Variants in CDH23 observed in about 807,000 individuals in gnomAD.
CDH23 encodes cadherin related 23, also known as cadherin-23.
Under a neutral mutation model 317.1 loss-of-function variants are expected in CDH23, and 189 were observed. The ratio of observed to expected loss-of-function variants is 0.60; its 90% CI spans 0.53 to 0.67. The LOEUF (loss-of-function observed/expected upper bound fraction) is 0.67. Ranked by LOEUF, CDH23 falls within the 30% of genes least tolerant of loss-of-function variation. The pLI is 0.00. For missense variants in CDH23, 4,401 were observed against 4,592.4 expected (o/e 0.96, Z 1.20); for synonymous variants, 1,839 against 1,876.8 (o/e 0.98, Z 0.52).
At position 71,682,141 on chromosome 10, in the gene CDH23, C is replaced by T. The variant is rs576611377; in HGVS notation, c.1859-304C>T. On this transcript the variant is annotated intron_variant, in intron 17 of 69. Transcript: ENST00000224721. ...AGCCAAACCTAGGCTCATCTCCCCACTCTGTTGAGAGCTGTGTGACCTTGG... is the reference window on the plus strand; with the variant it reads ...AGCCAAACCTAGGCTCATCTCCCCATTCTGTTGAGAGCTGTGTGACCTTGG... Among the ~76,000 whole-genome samples the T allele has an allele frequency of 1.3e-5, 2 of 152,380 alleles. 1 individual carries two copies. The highest frequency in any genetic ancestry group is 4.1e-4 in the South Asian group (2 of 4,834).
intron 45 of CDH23, 41 bp from the exon 46 acceptor site, chr10:71,790,247 G>A (rs370003444): frequency 1.2e-5 from 19 of 1,609,252 alleles, no homozygotes; most frequent in Non-Finnish European, 1.5e-5. Context: ...AGGGCAGGGG[G>A]CTGGGTTGGT....
chr10:71,746,072 T>C (rs754482223), intron 38 of CDH23, among the ~76,000 whole-genome samples: 3 of 152,208 alleles, frequency 2.0e-5, no homozygotes, highest in South Asian at 4.1e-4. Flanking sequence ...TAGTACAGGC[T>C]AGGACACCAG....
At chr10:71,757,201 G>C (rs1200165676) in intron 38 of CDH23, among the ~76,000 whole-genome samples, 3 of 152,210 alleles carry the variant, frequency 2.0e-5, no homozygotes, top group Non-Finnish European at 4.4e-5. Context: ...TCCTCTGGAC[G>C]GCTAGTAAGC....
At chr10:71,623,591 C>T (rs1861569609) in intron 11 of CDH23, among the ~76,000 whole-genome samples, 1 of 152,186 alleles carries the variant, frequency 6.6e-6, no homozygotes, top group Non-Finnish European at 1.5e-5. Context: ...AGGGTGGAAG[C>T]AGTGAAAAGG....
Position 71,695,526 on chromosome 10 carries a change from G to C in CDH23, c.2397+1G>C, listed in dbSNP as rs1410428272. On this transcript the variant is annotated splice_donor_variant, in intron 22 of 69. Transcript: ENST00000224721. LOFTEE classifies it high-confidence loss of function. The stretch of plus-strand genomic sequence containing the variant: ...CCCTCCAGACTCTGATGTGACCACG[G>C]TAGGTGGTGGCAGAGCAGCAGAACT... The C allele has an allele frequency of 6.2e-7, 1 of 1,600,842 alleles. No individual in the cohort carries two copies. Among genetic ancestry groups the C allele is most frequent in the African/African-American group, 1.3e-5 (1 of 74,718 alleles).
chr10:71,624,376 CA>C (rs1861610910), intron 11 of CDH23, among the ~76,000 whole-genome samples: 1 of 152,200 alleles, frequency 6.6e-6, no homozygotes, highest in Non-Finnish European at 1.5e-5. Flanking sequence ...CTGGGTCTGC[CA>C]CTTGGTTTTC....
At chr10:71,694,299 C>G in intron 21 of CDH23, 40 bp downstream of exon 21, 1 of 1,499,084 alleles carries the variant, frequency 6.7e-7, no homozygotes. Flanking sequence ...TCCCCCTCGC[C>G]GGCCAGGCTG....
At chr10:71,704,494 G>A (rs766935695) in intron 24 of CDH23, among the ~76,000 whole-genome samples, 14 of 152,172 alleles carry the variant, frequency 9.2e-5, no homozygotes, top group South Asian at 2.1e-4. Flanking sequence ...AAAGCAAAGC[G>A]GGGCAGGGGA....
chr10:71,552,221 G>A (rs1020296898), intron 6 of CDH23, among the ~76,000 whole-genome samples: 1 of 152,252 alleles, frequency 6.6e-6, no homozygotes, highest in Non-Finnish European at 1.5e-5. Context: ...CACAGAGGTG[G>A]AAGAGGGGAA....
chr10:71,540,680 G>A (rs905218109), intron 6 of CDH23, among the ~76,000 whole-genome samples: 3 of 152,138 alleles, frequency 2.0e-5, no homozygotes, highest in Non-Finnish European at 2.9e-5. Flanking sequence ...TCTCTCAGTT[G>A]TGCCGACCAG....
At chr10:71,765,835 T>C (rs1468516251) in intron 38 of CDH23, among the ~76,000 whole-genome samples, 2 of 152,114 alleles carry the variant, frequency 1.3e-5, no homozygotes, top group Non-Finnish European at 2.9e-5. Context: ...TGTTCAGTTT[T>C]CAAGCAAGAG....
At chr10:71,496,824 G>GTATGGCAGCCTCGTA (rs1853001578) in intron 3 of CDH23, among the ~76,000 whole-genome samples, 2 of 124,340 alleles carry the variant, frequency 1.6e-5, no homozygotes, top group Non-Finnish European at 3.7e-5. Flanking sequence ...TATGTGGTCT[G>GTATGGCAGCCTCGTA]GTGTACAGAT....
intron 41 of CDH23, among the ~76,000 whole-genome samples, chr10:71,781,963 G>A (rs1189791480): frequency 6.6e-6 from 1 of 152,206 alleles, no homozygotes; most frequent in Admixed American, 6.5e-5. Flanking sequence ...AGGGTTGACG[G>A]ATGCTACAGC....
At chr10:71,779,165 C>T in intron 40 of CDH23, 102 bp from the exon 41 acceptor site, 1 of 1,120,738 alleles carries the variant, frequency 8.9e-7, no homozygotes, top group Non-Finnish European at 1.3e-6. Flanking sequence ...GCATGGGCCT[C>T]ATGAGGCAGA....
chr10:71,802,389 G>A (rs1299700364), intron 53 of CDH23, among the ~76,000 whole-genome samples: 1 of 152,194 alleles, frequency 6.6e-6, no homozygotes, highest in Non-Finnish European at 1.5e-5. Flanking sequence ...AGGGAACAAA[G>A]GTCCCATGGT....
At chr10:71,448,755 G>T (rs1850292220) in intron 3 of CDH23, among the ~76,000 whole-genome samples, 1 of 152,132 alleles carries the variant, frequency 6.6e-6, no homozygotes, top group African/African-American at 2.4e-5. Context: ...TTGTTTCTAG[G>T]TTCTCAGAGG....
Position 71,809,928 on chromosome 10 carries a change from C to T in CDH23, c.8831C>T (p.Ala2944Val). ...GACCTGGCAGGCCACAACGACACGG[C>T]CATCATCGGCATCTACATCCTGAGG... ...ARDLAGHNDT[A>V]IIGIYILRDD... Residue 2944 changes from alanine (A) to valine (V), a missense_variant, in exon 61 of 70, where the codon GCC becomes GTC. Ala to Val is a moderately conservative substitution (Grantham distance 64, BLOSUM62 0). This residue lies in a region of CDH23 where 1,144 missense variants were observed against 1,138.2 expected (regional missense o/e 1.01). Transcript: ENST00000224721. 1 of 1,612,836 alleles carries T rather than the reference C, an allele frequency of 6.2e-7. No homozygotes were observed. The highest frequency in any genetic ancestry group is 2.2e-5 in the East Asian group (1 of 44,882).
intron 38 of CDH23, chr10:71,750,224 G>A (rs186372740): frequency 1.3e-5 from 2 of 152,366 alleles, no homozygotes; most frequent in Admixed American, 1.3e-4. Flanking sequence ...GACTCCACCA[G>A]GCCCAGATTG....
intron 38 of CDH23, among the ~76,000 whole-genome samples, chr10:71,759,328 G>A (rs770397384): frequency 9.2e-5 from 14 of 151,352 alleles, no homozygotes; most frequent in African/African-American, 1.7e-4. Context: ...GTGAGCCACC[G>A]CACCTAACCC....
Sources: allele counts gnomAD v4.1 joint callset (sites outside exome capture counted in the v4.1 genomes callset), GRCh38; gene constraint gnomAD v4.1.1; regional missense constraint gnomAD v4.1.1; transcripts MANE v1.5; gene names NCBI Gene and HGNC (gene_info 2026-07-23, HGNC 2026-07-21).